Variants in DDX31 observed in about 807,000 individuals in gnomAD.
DDX31 encodes the protein DEAD-box helicase 31.
A neutral mutation model predicts 91.3 loss-of-function variants in DDX31; 70 were observed. The observed-to-expected ratio is 0.77, with a 90% CI of 0.63 to 0.94. The LOEUF is 0.94. Among genes scored for constraint, DDX31 ranks in the 40% least tolerant of loss-of-function variants. The pLI is 0.00. For synonymous variants in DDX31, 362 were observed against 350.6 expected (o/e 1.03, Z -0.36); for missense variants, 902 against 925.0 (o/e 0.98, Z 0.32).
rs1173882014 is a variant in DDX31 at position 132,658,657 on chromosome 9, C to G, written c.588+14G>C. On this transcript the variant is annotated intron_variant, in intron 6 of 19. Coordinates refer to ENST00000372159, the MANE Select transcript of DDX31 (RefSeq NM_022779.9). ...CACTATGAGCAATGACAGAAAAACA[C>G]ATTTGATACACACCTGTATTTTTGA... 1 of 1,612,240 alleles carries G rather than the reference C, an allele frequency of 6.2e-7. No individual in the cohort carries two copies. The highest frequency in any genetic ancestry group is 8.5e-7 in the Non-Finnish European group (1 of 1,178,926).
chr9:132,611,405 C>G (rs1421134462), intron 19 of DDX31, among the ~76,000 whole-genome samples: 1 of 152,118 alleles, frequency 6.6e-6, no homozygotes, highest in African/African-American at 2.4e-5. Flanking sequence ...ACTAAAAGAA[C>G]GTCTTTGAGG....
chr9:132,669,876 G>A lies in DDX31; in HGVS notation c.59C>T (p.Pro20Leu). 6.3e-7 allele frequency: 1 copy of A among 1,592,442 alleles called. No homozygotes were observed. ...AGAACTCACCCGACTCGCCTGGGCT[G>A]GGGGACGTCTGGAGAACGTCCTGGG... ...DNPRTFSRRP[P>L]AQASRQAKAT... The change falls in exon 1 of 20, where the codon CCA becomes CTA. Residue 20 changes from proline to leucine, a missense_variant. Transcript: ENST00000372159.
Position 132,595,106 on chromosome 9 carries a change from G to T in DDX31, c.2001C>A (p.Asp667Glu), listed in dbSNP as rs747686698. The change falls in exon 20 of 20, where the codon GAC (aspartate) becomes GAA (glutamate). Residue 667 changes from aspartate to glutamate, a missense_variant. Transcript: ENST00000372159. This position sits in a 1 kb window ranked among gnomAD's most constrained non-coding sequence, Gnocchi z 4.6. ...GTTTACTCTGGGTCTTCTTATGAAG[G>T]TCAGGCCTGAAGAACAGTAACAGCA... Reference protein sequence around the residue: ...KKRKAHVKRPDLHKKTQSKHS... With the variant: ...KKRKAHVKRPELHKKTQSKHS... 6.2e-7 allele frequency: 1 copy of T among 1,613,762 alleles called. No homozygotes were observed. The highest frequency in any genetic ancestry group is 8.5e-7 in the Non-Finnish European group (1 of 1,179,724).
At chr9:132,637,942 C>G (rs1318437077) in intron 14 of DDX31, 18 of 1,004,524 alleles carry the variant, frequency 1.8e-5, no homozygotes, top group Non-Finnish European at 1.8e-5. Flanking sequence ...TGTCTCCTAG[C>G]CTCCTGGCAC....
In DDX31 at chr9:132,594,651, G is replaced by A; in HGVS notation, c.*215C>T. The A allele has an allele frequency of 1.4e-6, 1 of 691,018 alleles. No individual in the cohort carries two copies. The highest frequency in any genetic ancestry group is 1.9e-5 in the South Asian group (1 of 52,456). 42.8% of individuals were successfully genotyped at this position (691,018 alleles called of 1,614,324 possible). On this transcript the variant is annotated 3_prime_UTR_variant, in exon 20 of 20. Coordinates refer to ENST00000372159, the MANE Select transcript of DDX31 (RefSeq NM_022779.9). The stretch of plus-strand genomic sequence containing the variant: ...ACAAGACACAGACCCCTTCCGTCGG[G>A]AGCTGGCTAGTCTCTACAGTGCCCC...
intron 13 of DDX31, among the ~76,000 whole-genome samples, chr9:132,645,163 G>T (rs1016253985): frequency 6.6e-6 from 1 of 151,970 alleles, no homozygotes; most frequent in Non-Finnish European, 1.5e-5. Flanking sequence ...CTCCTATTTC[G>T]AGTCTTGCTC....
chr9:132,636,654 A>G (rs537495776), intron 14 of DDX31, among the ~76,000 whole-genome samples: 2 of 152,320 alleles, frequency 1.3e-5, no homozygotes, highest in South Asian at 4.1e-4. Context: ...AGCTCTGGAC[A>G]ACAGGCTAAG....
chr9:132,663,807 A>G (rs1418209218), intron 1 of DDX31, among the ~76,000 whole-genome samples: 1 of 152,248 alleles, frequency 6.6e-6, no homozygotes, highest in Non-Finnish European at 1.5e-5. Flanking sequence ...ATATTAATAA[A>G]GTAAAAACGG....
intron 18 of DDX31, 39 bp from the exon 19 acceptor site, chr9:132,612,294 C>T (rs769007026): frequency 2.4e-5 from 38 of 1,612,466 alleles, no homozygotes; most frequent in Admixed American, 3.3e-5. Flanking sequence ...CTGTCAGGAC[C>T]GGGGTCTCCA....
intron 6 of DDX31, among the ~76,000 whole-genome samples, chr9:132,655,981 T>C (rs2130814739): frequency 6.6e-6 from 1 of 152,300 alleles, no homozygotes; most frequent in African/African-American, 2.4e-5. Flanking sequence ...AGCAGCAACG[T>C]GCCGCTGTGT....
chr9:132,644,780 A>C (rs1237240336), intron 13 of DDX31, among the ~76,000 whole-genome samples: 1 of 152,218 alleles, frequency 6.6e-6, no homozygotes, highest in Non-Finnish European at 1.5e-5. Flanking sequence ...ACGGTATTAA[A>C]TAAATAAAAC....
rs1407265926 is a variant in DDX31, at chr9:132,646,991, A to G, written c.1035T>C (p.His345=). The G allele has an allele frequency of 1.2e-6, 2 of 1,614,232 alleles. No homozygotes were observed. The highest frequency in any genetic ancestry group is 1.7e-5 in the Admixed American group (1 of 60,032). ...CTTTGTCCTTTGGGTTCAACTGGTC[A>G]TGGCTCTTGTCCAGGACAGAAATAC... ...PVSISVLDKS[H]DQLNPKDKAV... is the part of the protein sequence containing the mutation. Residue 345 remains histidine, a synonymous_variant, in exon 12 of 20, where the codon CAT becomes CAC. Transcript: ENST00000372159.
intron 19 of DDX31, among the ~76,000 whole-genome samples, chr9:132,601,782 T>C (rs1034450203): frequency 1.3e-5 from 2 of 152,166 alleles, no homozygotes; most frequent in Non-Finnish European, 2.9e-5. Flanking sequence ...AACAAGCCCC[T>C]CTGAGCAGGG....
intron 1 of DDX31, chr9:132,663,619 G>T: frequency 1.4e-6 from 1 of 701,072 alleles, no homozygotes; most frequent in Non-Finnish European, 1.8e-6. Context: ...TTATTCTGGA[G>T]TTTTGGGTTC....
intron 13 of DDX31, among the ~76,000 whole-genome samples, chr9:132,643,727 G>C (rs1029116191): frequency 6.6e-6 from 1 of 152,176 alleles, no homozygotes; most frequent in African/African-American, 2.4e-5. Flanking sequence ...TCCGAACCCA[G>C]GGAGCTGTGT....
At chr9:132,620,078 C>A (rs1831918216) in intron 17 of DDX31, among the ~76,000 whole-genome samples, 1 of 152,004 alleles carries the variant, frequency 6.6e-6, no homozygotes, top group Non-Finnish European at 1.5e-5. Context: ...GCAGCCAGGA[C>A]CGAATAAGCA....
At chr9:132,657,953 T>A (rs1834676964) in intron 6 of DDX31, 1 of 224,290 alleles carries the variant, frequency 4.5e-6, no homozygotes, top group Admixed American at 5.5e-5. Context: ...TTTTCATATT[T>A]ACTGTTCATG....
At chr9:132,655,574 G>A (rs1206607892) in intron 6 of DDX31, among the ~76,000 whole-genome samples, 1 of 152,158 alleles carries the variant, frequency 6.6e-6, no homozygotes, top group African/African-American at 2.4e-5. Flanking sequence ...GCCACTAAGG[G>A]AAAGTGGGAA....
chr9:132,663,756 A>G (rs1835132552), intron 1 of DDX31, among the ~76,000 whole-genome samples: 1 of 152,224 alleles, frequency 6.6e-6, no homozygotes, highest in Non-Finnish European at 1.5e-5. Context: ...TTCCCTAAGG[A>G]TTCTTTTACC....
Sources: gnomAD v4.1 joint callset for allele counts (sites outside exome capture counted in the v4.1 genomes callset) on GRCh38, gnomAD v4.1.1 for gene constraint, Gnocchi (gnomAD v3.1) non-coding constraint, MANE v1.5 for transcripts, NCBI Gene and HGNC (gene_info 2026-07-23, HGNC 2026-07-21) for gene names.